The following ZFP90 variants were observed in gnomAD, a reference collection of about 807,000 sequenced individuals.
ZFP90 encodes zinc finger protein 90 homolog.
A neutral mutation model predicts 60.8 loss-of-function variants in ZFP90; 38 were observed. That is an observed-to-expected ratio of 0.62 (90% CI 0.48 to 0.82). The LOEUF (loss-of-function observed/expected upper bound fraction) is 0.82, where lower values mean the gene tolerates loss of function less well. Among genes scored for constraint, ZFP90 ranks in the 40% least tolerant of loss-of-function variants. ZFP90 has a pLI of 0.00. For missense variants in ZFP90, 711 were observed against 759.1 expected (o/e 0.94, Z 0.74); for synonymous variants, 287 against 264.8 (o/e 1.08, Z -0.82).
Position 68,564,885 on chromosome 16 carries a change from A to G in ZFP90, c.*187A>G. ...AAGACACATTCTCAGATCTGATTAC[A>G]GACTAGTGTAAAAACAGCTACATGT... On this transcript the variant is annotated 3_prime_UTR_variant, in exon 5 of 5. Transcript: ENST00000563169. The G allele has an allele frequency of 7.3e-7, 1 of 1,365,170 alleles. No homozygotes were observed. Among genetic ancestry groups the G allele is most frequent in the East Asian group, 2.7e-5 (1 of 36,962 alleles). The allele number at this position is 1,365,170 out of a possible 1,614,324, so 84.6% of individuals were successfully genotyped here. A position where few individuals can be genotyped will look rare whatever the true frequency, so the allele number is the denominator to read the frequency against.
downstream of ZFP90, among the ~76,000 whole-genome samples, chr16:68,568,788 C>G (rs1030118637): frequency 6.6e-6 from 1 of 152,276 alleles, no homozygotes; most frequent in African/African-American, 2.4e-5. Flanking sequence ...AAGTGATTCT[C>G]ATGTTTCAGC....
chr16:68,559,688 C>T (rs1348863088), intron 4 of ZFP90, among the ~76,000 whole-genome samples: 2 of 150,518 alleles, frequency 1.3e-5, no homozygotes, highest in Non-Finnish European at 3.0e-5. Flanking sequence ...CCACCTCAGC[C>T]TCCCAAGTAG....
chr16:68,541,621 T>A (rs1030562482), intron 2 of ZFP90, among the ~76,000 whole-genome samples: 10 of 152,006 alleles, frequency 6.6e-5, no homozygotes, highest in African/African-American at 1.9e-4. Context: ...TATATATACT[T>A]CTTATTATAT....
chr16:68,571,164 A>G (rs768532636), downstream of ZFP90, among the ~76,000 whole-genome samples: 1 of 152,368 alleles, frequency 6.6e-6, no homozygotes, highest in African/African-American at 2.4e-5. Context: ...ATCACAGCCT[A>G]TGATTTCTGC....
In ZFP90 at chr16:68,558,457, A is replaced by G. The variant is rs1174286676; in HGVS notation, c.161-16A>G. 2.5e-6 allele frequency: 4 copies of G among 1,611,698 alleles called. No homozygotes were observed. The highest frequency in any genetic ancestry group is 1.7e-5 in the Admixed American group (1 of 59,948). On this transcript the variant is annotated splice_polypyrimidine_tract_variant and intron_variant, in intron 3 of 4. Transcript: ENST00000563169. ...TTGCACAAACAACCAAATCTTGTGT[A>G]TTTACCCATGAGCAGGATATCAAGT...
chr16:68,539,840 C>T lies in ZFP90; in HGVS notation c.33+15C>T, dbSNP rs1318992341. 5.0e-6 allele frequency: 8 copies of T among 1,605,888 alleles called. No individual in the cohort carries two copies. The Admixed American group carries it at 1.0e-4, about 20-fold the overall frequency. ...CCGCGCCCCAGGTGAGCAACGCGTTCCTAACCTCCTGGGCATCCCATCCAT... is the reference window on the plus strand; with the variant it reads ...CCGCGCCCCAGGTGAGCAACGCGTTTCTAACCTCCTGGGCATCCCATCCAT... On this transcript the variant is annotated intron_variant, in intron 2 of 4. Coordinates refer to ENST00000563169, the MANE Select transcript of ZFP90 (RefSeq NM_001305203.2).
At position 68,565,109 on chromosome 16, in the gene ZFP90, T is replaced by G; in HGVS notation, c.*411T>G. The G allele has an allele frequency of 1.0e-6, 1 of 994,528 alleles. No individual in the cohort carries two copies. The highest frequency in any genetic ancestry group is 4.5e-5 in the South Asian group (1 of 22,128). 61.6% of individuals were successfully genotyped at this position (994,528 alleles called of 1,614,324 possible). On this transcript the variant is annotated 3_prime_UTR_variant, in exon 5 of 5. Transcript: ENST00000563169. ...ACTGCACTCAACTGCAGCTCTTACA[T>G]TAACTTCACCATGGAAACCAGTTCC...
In ZFP90 at chr16:68,566,804, ACTT is replaced by A; in HGVS notation, c.*2107_*2109del. The A allele has an allele frequency of 2.0e-6, 2 of 985,578 alleles. No individual in the cohort carries two copies. The highest frequency in any genetic ancestry group is 1.2e-6 in the Non-Finnish European group (1 of 829,960). The allele number at this position is 985,578 out of a possible 1,614,324, so 61.1% of individuals were successfully genotyped here. A position where few individuals can be genotyped will look rare whatever the true frequency, so the allele number is the denominator to read the frequency against. On this transcript the variant is annotated 3_prime_UTR_variant, in exon 5 of 5. Coordinates refer to ENST00000563169, the MANE Select transcript of ZFP90 (RefSeq NM_001305203.2). Reference sequence around the variant, plus strand: ...TGTTTGGGGATCCCCATAGTGGACTACTTTCAGGAATGGCATGAATTGTAACCA... The same window carrying A: ...TGTTTGGGGATCCCCATAGTGGACTATCAGGAATGGCATGAATTGTAACCA...
intron 2 of ZFP90, among the ~76,000 whole-genome samples, chr16:68,550,542 C>G (rs183021403): frequency 6.6e-6 from 1 of 152,330 alleles, no homozygotes; most frequent in East Asian, 1.9e-4. Flanking sequence ...TGAGCCACTG[C>G]GCCTGGCCCA....
At chr16:68,569,681 T>A (rs1204002287), downstream of ZFP90, among the ~76,000 whole-genome samples, 3 of 152,062 alleles carry the variant, frequency 2.0e-5, no homozygotes, top group Non-Finnish European at 4.4e-5. Context: ...TGGGCGAATT[T>A]CTTGAGCCCA....
rs1222153910 is a variant in ZFP90 at position 68,541,794 on chromosome 16, C to G, written c.33+1969C>G. On this transcript the variant is annotated intron_variant, in intron 2 of 4. Coordinates refer to ENST00000563169, the MANE Select transcript of ZFP90 (RefSeq NM_001305203.2). Reference sequence around the variant, plus strand: ...TTGTGAGAATTAGATGACTTAACACCTCATCAGGGACTCTGGTCTTTTCCA... The same window carrying G: ...TTGTGAGAATTAGATGACTTAACACGTCATCAGGGACTCTGGTCTTTTCCA... Among the ~76,000 whole-genome samples the G allele has an allele frequency of 2.0e-5, 3 of 152,124 alleles. No individual in the cohort carries two copies. In the East Asian group the frequency reaches 5.8e-4, roughly 29 times the overall value.
intron 2 of ZFP90, chr16:68,574,224 CTG>C (rs1491223718): frequency 4.3e-5 from 1 of 23,490 alleles, no homozygotes; most frequent in East Asian, 1.7e-3. Flanking sequence ...TCTCCTTTTT[CTG>C]AAAAAAAAAA....
At chr16:68,554,518 A>ATC (rs1399963836) in intron 2 of ZFP90, among the ~76,000 whole-genome samples, 1 of 152,112 alleles carries the variant, frequency 6.6e-6, no homozygotes, top group Non-Finnish European at 1.5e-5. Context: ...GAAAAAGGGG[A>ATC]TTGGGATCAA....
chr16:68,537,620 C>T (rs1273510769), upstream of ZFP90, among the ~76,000 whole-genome samples: 1 of 152,210 alleles, frequency 6.6e-6, no homozygotes, highest in Non-Finnish European at 1.5e-5. Flanking sequence ...GGTCGGAGTG[C>T]TGTGGTGAAA....
chr16:68,553,119 A>G (rs573609478), intron 2 of ZFP90, among the ~76,000 whole-genome samples: 1 of 152,298 alleles, frequency 6.6e-6, no homozygotes, highest in East Asian at 1.9e-4. Flanking sequence ...GACAATGGAG[A>G]TTCAACAGTA....
intron 4 of ZFP90, among the ~76,000 whole-genome samples, chr16:68,558,897 T>C (rs1389411960): frequency 6.6e-6 from 1 of 151,078 alleles, no homozygotes; most frequent in Non-Finnish European, 1.5e-5. Flanking sequence ...CCTTGTTTAG[T>C]CTTGCTGCTT....
downstream of ZFP90, among the ~76,000 whole-genome samples, chr16:68,567,938 T>C (rs571747083): frequency 6.6e-6 from 1 of 152,336 alleles, no homozygotes; most frequent in African/African-American, 2.4e-5. Flanking sequence ...TATTCTGACT[T>C]CAAGATTGAG....
At chr16:68,552,117 A>G (rs145402376) in intron 2 of ZFP90, among the ~76,000 whole-genome samples, 239 of 152,330 alleles carry the variant, frequency 1.6e-3, no homozygotes, top group Non-Finnish European at 2.6e-3. Context: ...TGGAAGAAGG[A>G]TGAGCAGCTA....
At chr16:68,571,005 G>A (rs1371531418), downstream of ZFP90, among the ~76,000 whole-genome samples, 1 of 152,206 alleles carries the variant, frequency 6.6e-6, no homozygotes, top group Non-Finnish European at 1.5e-5. Flanking sequence ...CGGTTTGGGT[G>A]ATTTTTTAGG....
Sources: gnomAD v4.1 joint callset for allele counts (sites outside exome capture counted in the v4.1 genomes callset) on GRCh38, gnomAD v4.1.1 for gene constraint, MANE v1.5 for transcripts, NCBI Gene and HGNC (gene_info 2026-07-23, HGNC 2026-07-21) for gene names.